CIROP: variants seen among roughly 807,000 people sequenced by gnomAD.
CIROP encodes the protein ciliated left-right organizer metallopeptidase.
At chr14:23,099,804 T>G in the CIROP span, 1 of 206,732 alleles carries the variant, frequency 4.8e-6, no homozygotes, top group Non-Finnish European at 1.1e-5. Context: ...AGGAAATCAT[T>G]AAGAGGGACT....
chr14:23,101,424 A>G, the CIROP span: 6 of 594,674 alleles, frequency 1.0e-5, no homozygotes, highest in South Asian at 4.1e-5. Context: ...GTGGGGTAAG[A>G]GAAGGATGCC....
At chr14:23,101,857 AAGT>A in the CIROP span, 2 of 702,790 alleles carry the variant, frequency 2.8e-6, no homozygotes, top group Non-Finnish European at 5.2e-6. Context: ...AGTACAGAAG[AAGT>A]CTGAGGAGCC....
At chr14:23,103,567 TAAAACAAAAC>T in the CIROP span, 23 of 595,010 alleles carry the variant, frequency 3.9e-5, no homozygotes, top group South Asian at 8.0e-5. Flanking sequence ...AAAAGCAAAA[TAAAACAAAAC>T]AAAACAAAAC....
chr14:23,102,140 A>G, the CIROP span: 2 of 702,996 alleles, frequency 2.8e-6, no homozygotes, highest in South Asian at 3.0e-5. Flanking sequence ...ACCTGGTACC[A>G]GCCTGAGTCT....
the CIROP span, chr14:23,102,980 G>A: frequency 5.1e-6 from 3 of 587,584 alleles, no homozygotes; most frequent in African/African-American, 5.6e-5. Context: ...GGGCACAGTA[G>A]ACAATGGTAC....
the CIROP span, chr14:23,102,121 C>T: frequency 5.7e-6 from 4 of 702,944 alleles, no homozygotes; most frequent in Non-Finnish European, 7.8e-6. Context: ...CTCTGCAGCG[C>T]TGTGGTTGAC....
At chr14:23,100,193 C>T in the CIROP span, 1 of 226,028 alleles carries the variant, frequency 4.4e-6, no homozygotes, top group East Asian at 9.0e-5. Flanking sequence ...AGGTCGAGGC[C>T]ACAGTGAGCT....
At chr14:23,101,847 A>C in the CIROP span, 1 of 702,890 alleles carries the variant, frequency 1.4e-6, no homozygotes, top group Non-Finnish European at 2.6e-6. Context: ...CACACCTGCC[A>C]GTACAGAAGA....
chr14:23,099,825 A>C, the CIROP span: 1 of 186,820 alleles, frequency 5.4e-6, no homozygotes, highest in South Asian at 2.0e-4. Context: ...ATCGAACCTT[A>C]AAGTAGAAAT....
At chr14:23,101,045 C>T in the CIROP span, 8 of 399,192 alleles carry the variant, frequency 2.0e-5, no homozygotes, top group African/African-American at 6.2e-5. Flanking sequence ...CAGCCGACCC[C>T]GGGGACAGAA....
the CIROP span, chr14:23,099,859 G>A: frequency 5.8e-6 from 1 of 173,170 alleles, no homozygotes; most frequent in Non-Finnish European, 1.4e-5. Flanking sequence ...AAGTCTTCTA[G>A]CATCTTATAT....
At chr14:23,102,138 C>T in the CIROP span, 1 of 703,058 alleles carries the variant, frequency 1.4e-6, no homozygotes. Context: ...TGACCTGGTA[C>T]CAGCCTGAGT....
At chr14:23,103,707 G>T in the CIROP span, 48 of 702,850 alleles carry the variant, frequency 6.8e-5, no homozygotes, top group Middle Eastern at 1.1e-3. Flanking sequence ...TGAGCAACTC[G>T]CACATACAGG....
the CIROP span, chr14:23,104,327 G>T: frequency 2.9e-6 from 2 of 697,832 alleles, no homozygotes; most frequent in South Asian, 3.0e-5. Flanking sequence ...GTGAGCTGAG[G>T]ACATTTCTAG....
chr14:23,100,614 CA>C, the CIROP span: 1 of 400,686 alleles, frequency 2.5e-6, no homozygotes, highest in Non-Finnish European at 4.4e-6. Context: ...CCTTGGCAGC[CA>C]GGGGACTTCC....
the CIROP span, chr14:23,103,164 G>GT: frequency 2.3e-6 from 1 of 436,844 alleles, no homozygotes; most frequent in Non-Finnish European, 4.0e-6. Context: ...CTCTGCAGGA[G>GT]TGGTATCAAG....
chr14:23,100,346 A>G, the CIROP span: 7 of 410,428 alleles, frequency 1.7e-5, no homozygotes, highest in African/African-American at 4.1e-5. Flanking sequence ...GGAGGGAGTC[A>G]GGTAGTGACG....
At chr14:23,101,784 A>G in the CIROP span, 1 of 702,780 alleles carries the variant, frequency 1.4e-6, no homozygotes, top group Admixed American at 2.0e-5. Flanking sequence ...AATGGATGGT[A>G]GAGTGACACT....
the CIROP span, chr14:23,103,716 G>GTTTTGGAAGTGT: frequency 1.4e-6 from 1 of 703,036 alleles, no homozygotes; most frequent in Non-Finnish European, 2.6e-6. Context: ...CGCACATACA[G>GTTTTGGAAGTGT]GAGAAAATCA....
Sources: gnomAD v4.1 joint callset for allele counts on GRCh38, gnomAD v4.1.1 for gene constraint, MANE v1.5 for transcripts, NCBI Gene and HGNC (gene_info 2026-07-23, HGNC 2026-07-21) for gene names.